RAP1GAP2: variants seen among roughly 807,000 people sequenced by gnomAD.
The protein encoded by RAP1GAP2 is rap1 GTPase-activating protein 2.
RAP1GAP2 carries 27 observed loss-of-function variants against 95.0 expected under a neutral mutation model. The ratio of observed to expected loss-of-function variants is 0.28; its 90% CI spans 0.21 to 0.39. The LOEUF is 0.39. RAP1GAP2 is among the 10% of genes least tolerant of loss of function. RAP1GAP2 has a pLI of 1.00. For missense variants in RAP1GAP2, 771 were observed against 970.0 expected, an observed-to-expected ratio of 0.79 and a Z score of 2.72; for synonymous variants, 373 against 380.9, an observed-to-expected ratio of 0.98 and a Z score of 0.24.
intron 12 of RAP1GAP2, 136 bp from the exon 13 acceptor site, chr17:2,995,201 A>G: frequency 2.8e-6 from 3 of 1,081,340 alleles, no homozygotes; most frequent in South Asian, 2.9e-5. Flanking sequence ...CCCACATCAC[A>G]GCCTGCTCTG....
intron 21 of RAP1GAP2, among the ~76,000 whole-genome samples, 168 bp from the exon 22 acceptor site, chr17:3,026,776 G>A (rs779854521): frequency 2.0e-5 from 3 of 152,194 alleles, no homozygotes; most frequent in African/African-American, 2.4e-5. Context: ...GTCCTTCTTG[G>A]AGCAGGATAG....
chr17:2,778,850 C>A (rs759368697), intron 1 of RAP1GAP2, among the ~76,000 whole-genome samples: 50 of 152,304 alleles, frequency 3.3e-4, no homozygotes, highest in Non-Finnish European at 5.6e-4. Flanking sequence ...TGATTATTCC[C>A]ACCACTCTCC....
chr17:2,880,906 C>CATTTG (rs1254017599), intron 2 of RAP1GAP2, among the ~76,000 whole-genome samples: 3 of 152,042 alleles, frequency 2.0e-5, no homozygotes, highest in Non-Finnish European at 4.4e-5. Flanking sequence ...GCGGGTGGAT[C>CATTTG]ATTTGAGGTC....
intron 14 of RAP1GAP2, among the ~76,000 whole-genome samples, chr17:2,999,117 G>A (rs914402927): frequency 6.6e-6 from 1 of 152,122 alleles, no homozygotes; most frequent in Non-Finnish European, 1.5e-5. Flanking sequence ...TCTGTCAGAT[G>A]GCTCGAAATC....
chr17:2,766,739 C>G (rs1389264533), intron 1 of RAP1GAP2, among the ~76,000 whole-genome samples: 1 of 152,234 alleles, frequency 6.6e-6, no homozygotes, highest in African/African-American at 2.4e-5. Context: ...GGGCCCTCAC[C>G]AGGCACTGGC....
At chr17:2,884,328 C>T (rs2073406812) in intron 2 of RAP1GAP2, among the ~76,000 whole-genome samples, 1 of 150,030 alleles carries the variant, frequency 6.7e-6, no homozygotes, top group Admixed American at 6.7e-5. Context: ...TGTGAATGGG[C>T]GAGACGGGTC....
chr17:2,908,124 T>C (rs1052669512), intron 3 of RAP1GAP2, among the ~76,000 whole-genome samples: 12 of 152,058 alleles, frequency 7.9e-5, no homozygotes, highest in Admixed American at 5.9e-4. Flanking sequence ...CATTTTACCG[T>C]CATTTTCCGG....
At chr17:2,856,956 C>T (rs749452820) in intron 2 of RAP1GAP2, among the ~76,000 whole-genome samples, 28 of 152,208 alleles carry the variant, frequency 1.8e-4, no homozygotes, top group Non-Finnish European at 3.5e-4. Flanking sequence ...TCTCTTTAAG[C>T]GTCTGAAATG....
At chr17:2,932,113 C>T (rs748624118) in intron 3 of RAP1GAP2, among the ~76,000 whole-genome samples, 5 of 152,220 alleles carry the variant, frequency 3.3e-5, no homozygotes, top group Non-Finnish European at 7.3e-5. Flanking sequence ...AGGATGTTAA[C>T]AGGAAGAGCC....
intron 22 of RAP1GAP2, among the ~76,000 whole-genome samples, chr17:3,028,037 G>A (rs2047182390): frequency 6.6e-6 from 1 of 152,060 alleles, no homozygotes. Context: ...GGCAGCACAG[G>A]ACTTTGAGCC....
intron 19 of RAP1GAP2, among the ~76,000 whole-genome samples, chr17:3,022,431 G>A (rs1320161849): frequency 6.6e-6 from 1 of 152,168 alleles, no homozygotes; most frequent in Non-Finnish European, 1.5e-5. Context: ...CAAGAGAGTT[G>A]AGAACGGTTG....
chr17:2,895,012 C>T (rs905334924), intron 2 of RAP1GAP2, among the ~76,000 whole-genome samples: 1 of 152,194 alleles, frequency 6.6e-6, no homozygotes, highest in Non-Finnish European at 1.5e-5. Context: ...CATGCGGCAC[C>T]TTTTCCCAGC....
At chr17:2,873,563 G>A (rs187277048) in intron 2 of RAP1GAP2, among the ~76,000 whole-genome samples, 1 of 141,946 alleles carries the variant, frequency 7.0e-6, no homozygotes, top group Non-Finnish European at 1.5e-5. Context: ...GGCTGAATAA[G>A]TGGACAGATT....
At position 3,027,663 on chromosome 17, in the gene RAP1GAP2, T is replaced by TG. The variant is rs1257509297; in HGVS notation, c.2107+595dup. 6.6e-6 allele frequency among the ~76,000 whole-genome samples: 1 copy of TG among 151,774 alleles called. No individual in the cohort carries two copies. ...ATTTTGTTCTGCTAGCGGCCACTGT[T>TG]GGAGTGTTTGAAGGTTCTTAAGTAG... is the stretch of plus-strand genomic sequence containing the variant. On this transcript the variant is annotated intron_variant, in intron 22 of 24. Transcript: ENST00000254695. The surrounding 1 kb of genome is among the most constrained non-coding windows in gnomAD (Gnocchi z 5.2).
rs115412241 is a variant in RAP1GAP2 at position 2,936,610 on chromosome 17, C to T, written c.166-21149C>T. 4.4e-3 allele frequency among the ~76,000 whole-genome samples: 676 copies of T among 152,150 alleles called. 4 individuals carry two copies. Among genetic ancestry groups the T allele is most frequent in the African/African-American group, 0.016 (652 of 41,500 alleles). On this transcript the variant is annotated intron_variant, in intron 3 of 24. Coordinates refer to ENST00000254695, the MANE Select transcript of RAP1GAP2 (RefSeq NM_015085.5). Reference sequence around the variant, plus strand: ...GCTTTAGTTACCCTCCCCCGGTGCCCCAAAATGGATGATCATGAGGGTCAA... The same window carrying T: ...GCTTTAGTTACCCTCCCCCGGTGCCTCAAAATGGATGATCATGAGGGTCAA...
chr17:2,933,504 C>T, intron 3 of RAP1GAP2, among the ~76,000 whole-genome samples: 1 of 152,186 alleles, frequency 6.6e-6, no homozygotes, highest in Non-Finnish European at 1.5e-5. Context: ...GAGGCCAACA[C>T]CTCCCTTTTC....
At chr17:2,854,222 C>T in intron 2 of RAP1GAP2, 1 of 891,090 alleles carries the variant, frequency 1.1e-6, no homozygotes, top group East Asian at 1.2e-4. Context: ...GCCTCCTCTC[C>T]AGGTACCGTC....
chr17:2,790,155 C>T (rs1033584240), intron 1 of RAP1GAP2, among the ~76,000 whole-genome samples: 16 of 151,926 alleles, frequency 1.1e-4, no homozygotes, highest in African/African-American at 3.4e-4. Flanking sequence ...CCTCTGTCAC[C>T]AGGCTGGAGT....
intron 2 of RAP1GAP2, chr17:2,770,546 C>T (rs2068370214): frequency 2.5e-6 from 1 of 397,580 alleles, no homozygotes; most frequent in Admixed American, 4.4e-5. Context: ...CACAAATCCA[C>T]CATGGGGAAC....
Sources: gnomAD v4.1 joint callset for allele counts (sites outside exome capture counted in the v4.1 genomes callset) on GRCh38, gnomAD v4.1.1 for gene constraint, Gnocchi (gnomAD v3.1) non-coding constraint, MANE v1.5 for transcripts, NCBI Gene and HGNC (gene_info 2026-07-23, HGNC 2026-07-21) for gene names.